The following EPC1 variants were observed in gnomAD, a reference collection of about 807,000 sequenced individuals.
The protein encoded by EPC1 is enhancer of polycomb 1, also known as enhancer of polycomb homolog 1.
Under a neutral mutation model 98.4 loss-of-function variants are expected in EPC1, and 12 were observed. That is an observed-to-expected ratio of 0.12 (90% CI 0.08 to 0.20). The LOEUF is 0.20. EPC1 is among the 10% of genes least tolerant of loss of function. The pLI is 1.00. For missense variants in EPC1, 729 were observed against 990.5 expected, an observed-to-expected ratio of 0.74 and a Z score of 3.54; for synonymous variants, 357 against 363.9, an observed-to-expected ratio of 0.98 and a Z score of 0.21.
chr10:32,363,442 C>T (rs908070572), intron 1 of EPC1, among the ~76,000 whole-genome samples: 4 of 108,090 alleles, frequency 3.7e-5, no homozygotes, highest in African/African-American at 7.8e-5. Flanking sequence ...GTCAGTTGCC[C>T]CTGAGTATCC....
intron 1 of EPC1, among the ~76,000 whole-genome samples, chr10:32,360,908 A>AT (rs397785953): frequency 6.6e-6 from 1 of 151,020 alleles, no homozygotes; most frequent in Admixed American, 6.6e-5. Flanking sequence ...AAAAAAAAAA[A>AT]GTATAGACAA....
chr10:32,324,759 C>T (rs962762238), intron 1 of EPC1, among the ~76,000 whole-genome samples: 1 of 151,970 alleles, frequency 6.6e-6, no homozygotes, highest in East Asian at 1.9e-4. Flanking sequence ...TTTGGGAGGC[C>T]GAGGTCGGCG....
chr10:32,360,019 GT>G (rs1285775955), intron 1 of EPC1, among the ~76,000 whole-genome samples: 1 of 150,694 alleles, frequency 6.6e-6, no homozygotes, highest in Non-Finnish European at 1.5e-5. Context: ...ATCATTAGTA[GT>G]TTTGTATCAT....
intron 10 of EPC1, among the ~76,000 whole-genome samples, chr10:32,280,409 C>T (rs1389451960): frequency 1.3e-5 from 2 of 151,984 alleles, no homozygotes; most frequent in Non-Finnish European, 2.9e-5. Flanking sequence ...TGAGATCACG[C>T]CATGGCACTC....
At chr10:32,311,074 G>A (rs1353947195) in intron 1 of EPC1, among the ~76,000 whole-genome samples, 1 of 152,100 alleles carries the variant, frequency 6.6e-6, no homozygotes, top group Non-Finnish European at 1.5e-5. Context: ...ACTTTGGGAG[G>A]CCAAGGCGGG....
chr10:32,365,743 C>T (rs193213516), intron 1 of EPC1, among the ~76,000 whole-genome samples: 106 of 142,006 alleles, frequency 7.5e-4, no homozygotes, highest in Non-Finnish European at 1.4e-3. Flanking sequence ...CGCTTGAACC[C>T]GGGAGGCAGA....
intron 1 of EPC1, among the ~76,000 whole-genome samples, chr10:32,313,619 G>A (rs943092739): frequency 1.3e-5 from 2 of 152,172 alleles, no homozygotes; most frequent in Non-Finnish European, 1.5e-5. Flanking sequence ...GGCTGGGCGC[G>A]GTGGCTCACG....
intron 10 of EPC1, among the ~76,000 whole-genome samples, chr10:32,279,917 A>G (rs879319289): frequency 6.6e-6 from 1 of 152,136 alleles, no homozygotes; most frequent in Non-Finnish European, 1.5e-5. Flanking sequence ...TTCCATATAC[A>G]CATACGGTCT....
At chr10:32,289,021 G>T (rs776940508) in intron 6 of EPC1, among the ~76,000 whole-genome samples, 1 of 151,992 alleles carries the variant, frequency 6.6e-6, no homozygotes, top group East Asian at 1.9e-4. Flanking sequence ...CCCAGGAGGC[G>T]GAGGTTGCAG....
intron 13 of EPC1, among the ~76,000 whole-genome samples, chr10:32,270,065 A>G (rs1284616676): frequency 6.6e-6 from 1 of 152,016 alleles, no homozygotes. Flanking sequence ...TTGTATTTTC[A>G]CTCAGCCTCA....
At chr10:32,302,970 C>T (rs1442333823) in intron 2 of EPC1, among the ~76,000 whole-genome samples, 1 of 152,014 alleles carries the variant, frequency 6.6e-6, no homozygotes, top group African/African-American at 2.4e-5. Flanking sequence ...TGGATGAACC[C>T]TGCAACTACA....
At chr10:32,378,512 C>T in exon 1 of EPC1, 1 of 1,540,702 alleles carries the variant, frequency 6.5e-7, no homozygotes, top group Non-Finnish European at 8.8e-7. Context: ...GCAAAGAAGA[C>T]GGCAGTTCTT....
rs769821747 is a variant in EPC1 at position 32,272,212 on chromosome 10, T to C, written c.1864-45A>G. On this transcript the variant is annotated intron_variant, in intron 11 of 13. Coordinates refer to ENST00000319778, the MANE Select transcript of EPC1 (RefSeq NM_001272004.3). ...GAAATCTAATCAGTATCACTTAGTA[T>C]CAAATCAATATCAAAACTACACATG... The C allele has an allele frequency of 2.7e-6, 4 of 1,506,314 alleles. No individual in the cohort carries two copies. In the South Asian group the frequency reaches 3.9e-5, roughly 15 times the overall value. 93.3% of individuals were successfully genotyped at this position (1,506,314 alleles called of 1,614,324 possible).
chr10:32,359,599 T>G (rs1839380065), intron 1 of EPC1, among the ~76,000 whole-genome samples: 1 of 152,260 alleles, frequency 6.6e-6, no homozygotes. Flanking sequence ...AACGTCATGC[T>G]TAATAAACAT....
At chr10:32,350,902 C>T (rs1356702636), upstream of EPC1, among the ~76,000 whole-genome samples, 1 of 152,174 alleles carries the variant, frequency 6.6e-6, no homozygotes, top group African/African-American at 2.4e-5. Context: ...ATTTACTTCC[C>T]AATTTCCATT....
chr10:32,368,477 T>G (rs11597990), intron 1 of EPC1, among the ~76,000 whole-genome samples: 23,751 of 152,274 alleles, frequency 0.16, 2,028 homozygotes, highest in Admixed American at 0.19. Context: ...GCTGAAAGTT[T>G]ACCCATCCTT....
intron 2 of EPC1, among the ~76,000 whole-genome samples, chr10:32,303,287 G>A (rs60178979): frequency 0.02 from 3,046 of 152,282 alleles, 109 homozygotes; most frequent in African/African-American, 0.07. Flanking sequence ...GGGTGACAGT[G>A]TGAGACTTTG....
At chr10:32,301,038 A>C (rs1592569284) in intron 2 of EPC1, among the ~76,000 whole-genome samples, 2 of 143,108 alleles carry the variant, frequency 1.4e-5, no homozygotes, top group South Asian at 4.4e-4. Flanking sequence ...AAGCACATTT[A>C]TATCTATCTA....
chr10:32,331,353 A>T (rs1354015595), intron 1 of EPC1, among the ~76,000 whole-genome samples: 1 of 151,720 alleles, frequency 6.6e-6, no homozygotes, highest in African/African-American at 2.4e-5. Context: ...ACTCCATCTC[A>T]AAAGAAAAAA....
Sources: gnomAD v4.1 joint callset for allele counts (sites outside exome capture counted in the v4.1 genomes callset) on GRCh38, gnomAD v4.1.1 for gene constraint, MANE v1.5 for transcripts, NCBI Gene and HGNC (gene_info 2026-07-23, HGNC 2026-07-21) for gene names.